NRXN1: variants seen among roughly 807,000 people sequenced by gnomAD.
NRXN1 encodes the protein neurexin 1, also known as neurexin-1.
NRXN1 carries 39 observed loss-of-function variants against 150.9 expected under a neutral mutation model. That is an observed-to-expected ratio of 0.26 (90% CI 0.20 to 0.34). The LOEUF (loss-of-function observed/expected upper bound fraction) is 0.34. Ranked by LOEUF, NRXN1 falls within the 10% of genes least tolerant of loss-of-function variation. The probability of loss-of-function intolerance (pLI) is 1.00; values close to 1 mark genes in which losing one functional copy is unlikely to be tolerated. For missense variants in NRXN1, 1,815 were observed against 1,949.9 expected (o/e 0.93, Z 1.30); for synonymous variants, 924 against 757.0 (o/e 1.22, Z -3.62).
intron 5 of NRXN1, among the ~76,000 whole-genome samples, chr2:50,677,481 T>C (rs72837021): frequency 0.08 from 12,171 of 152,188 alleles, 620 homozygotes; most frequent in Middle Eastern, 0.12. Flanking sequence ...ATATTTTTGT[T>C]AGCACTCAGT....
intron 5 of NRXN1, among the ~76,000 whole-genome samples, chr2:50,773,992 C>T (rs967045531): frequency 2.6e-5 from 4 of 152,230 alleles, no homozygotes; most frequent in Non-Finnish European, 4.4e-5. Context: ...AACCCCCACA[C>T]GACCCGGATG....
At chr2:50,718,880 T>C (rs1049442389) in intron 5 of NRXN1, among the ~76,000 whole-genome samples, 4 of 152,072 alleles carry the variant, frequency 2.6e-5, no homozygotes, top group African/African-American at 9.7e-5. Flanking sequence ...CCTTCTTTCT[T>C]TCTTTATCAC....
At chr2:50,340,676 G>A (rs1235194878) in intron 17 of NRXN1, among the ~76,000 whole-genome samples, 1 of 151,966 alleles carries the variant, frequency 6.6e-6, no homozygotes, top group African/African-American at 2.4e-5. Flanking sequence ...AGGAAACTTA[G>A]AATTGGAAAT....
chr2:50,270,477 T>C (rs2069446517), intron 17 of NRXN1, among the ~76,000 whole-genome samples: 1 of 152,074 alleles, frequency 6.6e-6, no homozygotes, highest in Admixed American at 6.6e-5. Flanking sequence ...AAATTGGAGA[T>C]CTTTACTAAT....
chr2:50,120,413 A>G (rs1387987035), intron 18 of NRXN1, among the ~76,000 whole-genome samples: 2 of 152,184 alleles, frequency 1.3e-5, no homozygotes. Context: ...CAGAAACAAG[A>G]TATTTGCAAA....
intron 18 of NRXN1, among the ~76,000 whole-genome samples, chr2:50,139,499 G>C (rs1706940652): frequency 6.6e-6 from 1 of 152,008 alleles, no homozygotes; most frequent in African/African-American, 2.4e-5. Flanking sequence ...ATAAAGTTAG[G>C]GCAAAAGTAT....
intron 5 of NRXN1, among the ~76,000 whole-genome samples, chr2:50,812,073 A>G (rs1668291629): frequency 6.6e-6 from 1 of 152,134 alleles, no homozygotes; most frequent in Admixed American, 6.6e-5. Flanking sequence ...TTGAGAAACC[A>G]GATGAAAAAA....
At chr2:51,001,036 T>C (rs1019804425) in intron 2 of NRXN1, among the ~76,000 whole-genome samples, 2 of 151,998 alleles carry the variant, frequency 1.3e-5, no homozygotes, top group East Asian at 1.9e-4. Flanking sequence ...CAAAAGAACA[T>C]AGGAAAGTGT....
At chr2:50,634,122 T>G (rs1179016036) in intron 5 of NRXN1, among the ~76,000 whole-genome samples, 2 of 152,228 alleles carry the variant, frequency 1.3e-5, no homozygotes, top group Non-Finnish European at 2.9e-5. Context: ...TTCTAAATTT[T>G]GGGCAAACTC....
intron 18 of NRXN1, among the ~76,000 whole-genome samples, chr2:50,121,049 G>A (rs1203110868): frequency 2.0e-5 from 3 of 152,124 alleles, no homozygotes; most frequent in Middle Eastern, 3.2e-3. Context: ...TTTTGAGACC[G>A]ACTCCTACTC....
At chr2:50,106,045 G>A (rs956695616) in intron 18 of NRXN1, among the ~76,000 whole-genome samples, 2 of 151,708 alleles carry the variant, frequency 1.3e-5, no homozygotes, top group African/African-American at 2.4e-5. Context: ...TGTTAATCTT[G>A]TTTCTCTACC....
intron 5 of NRXN1, among the ~76,000 whole-genome samples, chr2:50,642,071 G>C (rs1019989673): frequency 6.6e-6 from 1 of 152,060 alleles, no homozygotes; most frequent in African/African-American, 2.4e-5. Flanking sequence ...TATTTCACTT[G>C]AAAATTGTAA....
intron 17 of NRXN1, among the ~76,000 whole-genome samples, chr2:50,309,405 T>A (rs983323671): frequency 6.6e-6 from 1 of 152,190 alleles, no homozygotes; most frequent in Non-Finnish European, 1.5e-5. Context: ...CTCCTTTATT[T>A]GGGATATGAG....
At chr2:50,329,673 ATTTTT>A (rs749453098) in intron 17 of NRXN1, among the ~76,000 whole-genome samples, 6 of 28,810 alleles carry the variant, frequency 2.1e-4, no homozygotes, top group African/African-American at 7.8e-4. Flanking sequence ...ATATATATAT[ATTTTT>A]TTTTTTCCCC....
chr2:50,946,197 T>G (rs1029691445), intron 2 of NRXN1, among the ~76,000 whole-genome samples: 1 of 152,008 alleles, frequency 6.6e-6, no homozygotes, highest in African/African-American at 2.4e-5. Flanking sequence ...AAGAAGTCCT[T>G]CACCAGTAAG....
At chr2:50,993,642 T>G (rs1362751932) in intron 2 of NRXN1, among the ~76,000 whole-genome samples, 2 of 151,998 alleles carry the variant, frequency 1.3e-5, no homozygotes, top group African/African-American at 4.8e-5. Flanking sequence ...AAAATATTTT[T>G]CATTTCTGGT....
At chr2:50,713,225 A>C (rs1253042500) in intron 5 of NRXN1, among the ~76,000 whole-genome samples, 1 of 151,846 alleles carries the variant, frequency 6.6e-6, no homozygotes, top group Non-Finnish European at 1.5e-5. Flanking sequence ...GAAGCACTGG[A>C]ATGACTTGAA....
intron 5 of NRXN1, among the ~76,000 whole-genome samples, chr2:50,800,093 C>T (rs1707377790): frequency 6.6e-6 from 1 of 152,188 alleles, no homozygotes; most frequent in Non-Finnish European, 1.5e-5. Context: ...TCGTGACATA[C>T]TCTTTGGCCT....
At chr2:50,145,744 A>G (rs1369932114) in intron 18 of NRXN1, among the ~76,000 whole-genome samples, 1 of 151,650 alleles carries the variant, frequency 6.6e-6, no homozygotes, top group Non-Finnish European at 1.5e-5. Flanking sequence ...ATGGATAATA[A>G]ATTATTTTGG....
Sources: allele counts gnomAD v4.1 joint callset (sites outside exome capture counted in the v4.1 genomes callset), GRCh38; gene constraint gnomAD v4.1.1; transcripts MANE v1.5; gene names NCBI Gene and HGNC (gene_info 2026-07-23, HGNC 2026-07-21).